SOX5: variants seen among roughly 807,000 people sequenced by gnomAD.
The protein encoded by SOX5 is transcription factor SOX-5.
SOX5 carries 9 observed loss-of-function variants against 92.0 expected under a neutral mutation model. The ratio of observed to expected loss-of-function variants is 0.10; its 90% CI spans 0.06 to 0.17. The LOEUF is 0.17. Among genes scored for constraint, SOX5 ranks in the 10% least tolerant of loss-of-function variants. SOX5 has a pLI of 1.00. For synonymous variants in SOX5, 344 were observed against 336.3 expected, an observed-to-expected ratio of 1.02 and a Z score of -0.25; for missense variants, 642 against 944.5, an observed-to-expected ratio of 0.68 and a Z score of 4.20.
intron 3 of SOX5, among the ~76,000 whole-genome samples, chr12:23,774,903 A>T (rs1049268719): frequency 3.4e-4 from 51 of 152,226 alleles, no homozygotes; most frequent in African/African-American, 1.2e-3. Flanking sequence ...ATCTGAATCC[A>T]TGACTTTAAA....
intron 9 of SOX5, among the ~76,000 whole-genome samples, chr12:23,602,622 C>T (rs966548158): frequency 6.6e-6 from 1 of 151,992 alleles, no homozygotes; most frequent in Non-Finnish European, 1.5e-5. Context: ...TGACGTAAAG[C>T]CTCATTACGA....
chr12:23,709,515 C>T (rs1025067130), intron 6 of SOX5, among the ~76,000 whole-genome samples: 1 of 152,132 alleles, frequency 6.6e-6, no homozygotes, highest in East Asian at 1.9e-4. Flanking sequence ...AATATTCTCA[C>T]AATTCAGATG....
chr12:24,158,968 T>C (rs1328621751), intron 4 of SOX5, among the ~76,000 whole-genome samples: 5 of 151,930 alleles, frequency 3.3e-5, no homozygotes, highest in Admixed American at 6.6e-5. Flanking sequence ...AAAAACAAAA[T>C]AATACTTTCA....
At chr12:24,171,871 T>G (rs1008008962) in intron 4 of SOX5, among the ~76,000 whole-genome samples, 6 of 151,948 alleles carry the variant, frequency 3.9e-5, no homozygotes, top group African/African-American at 1.2e-4. Context: ...CCTGACGCAC[T>G]CTGATTGAGG....
At chr12:24,128,958 G>A (rs372598626) in intron 4 of SOX5, among the ~76,000 whole-genome samples, 2 of 152,082 alleles carry the variant, frequency 1.3e-5, no homozygotes, top group Non-Finnish European at 2.9e-5. Context: ...TAGAAATGGA[G>A]AGCTTCAAGA....
chr12:24,442,449 G>T (rs1940776384), intron 1 of SOX5, among the ~76,000 whole-genome samples: 1 of 152,166 alleles, frequency 6.6e-6, no homozygotes, highest in Admixed American at 6.5e-5. Flanking sequence ...TTGTATATTA[G>T]AAGGTGCTAC....
In SOX5 at chr12:24,348,800, T is replaced by G. The variant is rs538967031; in HGVS notation, c.-174+19763A>C. 9.9e-5 allele frequency among the ~76,000 whole-genome samples: 15 copies of G among 152,264 alleles called. No individual in the cohort carries two copies. In the East Asian group the frequency reaches 2.9e-3, roughly 29 times the overall value. On this transcript the variant is annotated intron_variant, in intron 2 of 4. Transcript: ENST00000446891. The stretch of plus-strand genomic sequence containing the variant: ...GACCCAGTAGGAAGTAATTGAATCA[T>G]GGGGGCGGGTTTTCTCATGCTGTTC...
chr12:23,584,076 C>T (rs1186943294), intron 9 of SOX5, among the ~76,000 whole-genome samples: 1 of 152,078 alleles, frequency 6.6e-6, no homozygotes, highest in Non-Finnish European at 1.5e-5. Flanking sequence ...ACAAAATGAG[C>T]ACATCAGCAT....
intron 2 of SOX5, among the ~76,000 whole-genome samples, chr12:23,881,075 G>A (rs1282555937): frequency 5.9e-5 from 9 of 152,064 alleles, no homozygotes. Flanking sequence ...AAGGGAGAGA[G>A]CATCTTAAAT....
At chr12:24,460,538 T>G (rs1331642925) in intron 1 of SOX5, 1 of 152,186 alleles carries the variant, frequency 6.6e-6, no homozygotes. Context: ...ACAGACCCAG[T>G]TAAGTGGATT....
chr12:24,501,339 T>G (rs1393304848), intron 1 of SOX5, among the ~76,000 whole-genome samples: 14 of 149,518 alleles, frequency 9.4e-5, no homozygotes, highest in Admixed American at 8.7e-4. Context: ...GCAAGATATG[T>G]GCGTTTGGGT....
At chr12:23,997,813 A>G (rs1030575615) in intron 4 of SOX5, among the ~76,000 whole-genome samples, 6 of 152,194 alleles carry the variant, frequency 3.9e-5, no homozygotes, top group African/African-American at 1.4e-4. Context: ...TAAAAGGAAA[A>G]GGTTAAACAA....
intron 4 of SOX5, among the ~76,000 whole-genome samples, chr12:24,013,178 C>T (rs1329711708): frequency 3.9e-5 from 6 of 152,130 alleles, no homozygotes; most frequent in African/African-American, 1.4e-4. Context: ...ATTGTATGGA[C>T]TGACTCTGCA....
At chr12:24,391,462 T>C (rs1037315816) in intron 1 of SOX5, among the ~76,000 whole-genome samples, 8 of 152,148 alleles carry the variant, frequency 5.3e-5, no homozygotes, top group Non-Finnish European at 8.8e-5. Flanking sequence ...ATAGAAGTTC[T>C]TAATAAAAAT....
intron 1 of SOX5, among the ~76,000 whole-genome samples, chr12:23,900,462 G>A (rs1344756688): frequency 1.3e-5 from 2 of 152,240 alleles, no homozygotes; most frequent in African/African-American, 2.4e-5. Flanking sequence ...AGGGTAGAAG[G>A]TGTAAGACTG....
intron 4 of SOX5, among the ~76,000 whole-genome samples, chr12:24,006,858 G>A (rs893630637): frequency 3.9e-5 from 6 of 151,958 alleles, no homozygotes; most frequent in African/African-American, 1.5e-4. Flanking sequence ...ACTGAAGTGG[G>A]TGCGGTGCCT....
At chr12:23,669,913 C>A (rs973617502) in intron 6 of SOX5, among the ~76,000 whole-genome samples, 11 of 152,048 alleles carry the variant, frequency 7.2e-5, no homozygotes, top group African/African-American at 1.4e-4. Flanking sequence ...GGGAGGAGAT[C>A]TTCAGAGGCC....
chr12:23,988,675 G>A (rs1950276464), intron 4 of SOX5, among the ~76,000 whole-genome samples: 1 of 152,180 alleles, frequency 6.6e-6, no homozygotes, highest in Admixed American at 6.5e-5. Flanking sequence ...AAACCAAAGT[G>A]AATGTAGTAG....
intron 2 of SOX5, among the ~76,000 whole-genome samples, chr12:24,364,541 T>TATATATAC (rs1555253836): frequency 7.1e-6 from 1 of 140,396 alleles, no homozygotes; most frequent in Non-Finnish European, 1.5e-5. Flanking sequence ...TATATATATA[T>TATATATAC]ATACACGAAT....
Sources: allele counts gnomAD v4.1 joint callset (sites outside exome capture counted in the v4.1 genomes callset), GRCh38; gene constraint gnomAD v4.1.1; transcripts MANE v1.5; gene names NCBI Gene and HGNC (gene_info 2026-07-23, HGNC 2026-07-21).